The following PCLO variants were observed in gnomAD, a reference collection of about 807,000 sequenced individuals.
PCLO encodes the protein protein piccolo.
Under a neutral mutation model 427.5 loss-of-function variants are expected in PCLO, and 82 were observed. That is an observed-to-expected ratio of 0.19 (90% confidence interval 0.16 to 0.23). The LOEUF is 0.23. PCLO is among the 10% of genes least tolerant of loss of function. The pLI is 1.00. For synonymous variants in PCLO, 2,357 were observed against 2,155.4 expected (o/e 1.09, Z -2.59); for missense variants, 6,239 against 6,115.9 (o/e 1.02, Z -0.67).
chr7:83,015,843 G>A (rs1221374984), intron 3 of PCLO, among the ~76,000 whole-genome samples: 2 of 152,014 alleles, frequency 1.3e-5, no homozygotes, highest in African/African-American at 2.4e-5. Context: ...GTCCTAGAAT[G>A]TTATCTTTTA....
chr7:83,085,668 T>C (rs1790213454), intron 3 of PCLO, among the ~76,000 whole-genome samples: 1 of 152,164 alleles, frequency 6.6e-6, no homozygotes, highest in East Asian at 1.9e-4. Flanking sequence ...TTTGAAAAAT[T>C]CAGTTTCCTT....
At chr7:83,145,195 A>G (rs1343912733) in intron 2 of PCLO, among the ~76,000 whole-genome samples, 5 of 152,122 alleles carry the variant, frequency 3.3e-5, no homozygotes, top group Non-Finnish European at 7.4e-5. Context: ...CTCTAGTCTC[A>G]ATTTTGAACA....
chr7:82,773,520 C>T (rs1336679139), intron 22 of PCLO, among the ~76,000 whole-genome samples: 1 of 152,160 alleles, frequency 6.6e-6, no homozygotes, highest in African/African-American at 2.4e-5. Context: ...TGTGATCCTC[C>T]TTGCAGTTTT....
chr7:82,849,772 G>T (rs1792601384), intron 10 of PCLO, among the ~76,000 whole-genome samples: 1 of 151,974 alleles, frequency 6.6e-6, no homozygotes. Context: ...AATGTATCTT[G>T]TCATTTAATA....
chr7:82,787,769 A>C (rs1171110290), intron 22 of PCLO, among the ~76,000 whole-genome samples: 1 of 152,136 alleles, frequency 6.6e-6, no homozygotes, highest in Non-Finnish European at 1.5e-5. Context: ...ATTTAAAAAA[A>C]CCCTGTAAAT....
At position 82,866,362 on chromosome 7, in the gene PCLO, TTA is replaced by T. The variant is rs200827442; in HGVS notation, c.13654+12973_13654+12974del. ...ATATTATATGAGATATATTTAACAT[TTA>T]TATATGATATTAATATTTGTTATAA... On this transcript the variant is annotated intron_variant, in intron 10 of 24. Coordinates refer to ENST00000333891, the MANE Select transcript of PCLO (RefSeq NM_033026.6). Among the ~76,000 whole-genome samples, 5 of 151,992 alleles carry T rather than the reference TTA, an allele frequency of 3.3e-5. No individual in the cohort carries two copies. In the East Asian group the frequency reaches 5.8e-4, roughly 18 times the overall value.
chr7:82,884,756 T>C (rs1314843046), intron 9 of PCLO, among the ~76,000 whole-genome samples: 2 of 152,130 alleles, frequency 1.3e-5, no homozygotes, highest in Admixed American at 6.5e-5. Flanking sequence ...TGATACTAAA[T>C]TGATGGCAGG....
At chr7:83,008,940 T>C (rs899386630) in intron 3 of PCLO, among the ~76,000 whole-genome samples, 1 of 151,474 alleles carries the variant, frequency 6.6e-6, no homozygotes, top group African/African-American at 2.4e-5. Flanking sequence ...AAAAGATATA[T>C]TAAGCAAATA....
intron 6 of PCLO, among the ~76,000 whole-genome samples, chr7:82,939,230 A>G (rs1795024180): frequency 6.6e-6 from 1 of 152,096 alleles, no homozygotes; most frequent in Non-Finnish European, 1.5e-5. Context: ...ATTTCTGGAC[A>G]TGGGGTATTA....
chr7:83,008,500 A>G (rs1043171168), intron 3 of PCLO, among the ~76,000 whole-genome samples: 5 of 151,854 alleles, frequency 3.3e-5, no homozygotes, highest in African/African-American at 1.2e-4. Flanking sequence ...AAGTTCATCA[A>G]GTTTCAAGAT....
intron 3 of PCLO, among the ~76,000 whole-genome samples, chr7:82,973,710 TA>T (rs1325844675): frequency 0.033 from 4,818 of 144,620 alleles, 261 homozygotes; most frequent in African/African-American, 0.11. Flanking sequence ...GAAGGCAGAT[TA>T]AAAAAAAAAA....
chr7:82,894,715 T>G (rs948902943), intron 9 of PCLO, among the ~76,000 whole-genome samples: 1 of 152,040 alleles, frequency 6.6e-6, no homozygotes, highest in African/African-American at 2.4e-5. Context: ...TAAGTTGTCA[T>G]GATAATTCTA....
At chr7:82,994,539 G>C (rs1186436775) in intron 3 of PCLO, among the ~76,000 whole-genome samples, 1 of 151,684 alleles carries the variant, frequency 6.6e-6, no homozygotes, top group African/African-American at 2.4e-5. Context: ...CCATCAAACA[G>C]TTTTTGACGA....
chr7:82,968,517 C>CTTTTTTTTTTTTTTTTTTTTTTTTTTTT (rs11324005), intron 3 of PCLO, among the ~76,000 whole-genome samples: 4 of 73,216 alleles, frequency 5.5e-5, no homozygotes, highest in African/African-American at 1.9e-4. Context: ...CAGAGTCTGA[C>CTTTTTTTTTTTTTTTTTTTTTTTTTTTT]TTTTTTTTTT....
Position 82,796,232 on chromosome 7 carries a change from T to C in PCLO, c.15007+5286A>G, listed in dbSNP as rs528087347. Reference sequence around the variant, plus strand: ...CAATAATAGGGTATTTTGCAGTAAATGCCATTAATTTTAAATTCCCAGTGA... The same window carrying C: ...CAATAATAGGGTATTTTGCAGTAAACGCCATTAATTTTAAATTCCCAGTGA... On this transcript the variant is annotated intron_variant, in intron 22 of 24. Coordinates refer to ENST00000333891, the MANE Select transcript of PCLO (RefSeq NM_033026.6). Among the ~76,000 whole-genome samples the C allele has an allele frequency of 1.1e-4, 16 of 152,264 alleles. No individual in the cohort carries two copies. The South Asian group carries it at 3.1e-3, about 30-fold the overall frequency.
chr7:83,158,097 C>T (rs147273982), intron 1 of PCLO, among the ~76,000 whole-genome samples: 129 of 151,984 alleles, frequency 8.5e-4, no homozygotes, highest in African/African-American at 2.9e-3. Flanking sequence ...TAAATGGCAA[C>T]GTATGCATAA....
chr7:83,028,308 C>G (rs1267333427), intron 3 of PCLO, among the ~76,000 whole-genome samples: 1 of 149,252 alleles, frequency 6.7e-6, no homozygotes, highest in African/African-American at 2.5e-5. Flanking sequence ...TCTTATACAC[C>G]AACAACAGAC....
rs1220103023 is a variant in PCLO, at chr7:83,029,405, A to C, written c.3301-62918T>G. ...TCAGAGAAATGCAAATCAAAACCAC[A>C]ATGAGATACCATCTCACACCAGTTA... On this transcript the variant is annotated intron_variant, in intron 3 of 24. Transcript: ENST00000333891. Among the ~76,000 whole-genome samples, 51 of 148,376 alleles carry C rather than the reference A, an allele frequency of 3.4e-4. 2 individuals carry two copies. The South Asian group carries it at 0.01, about 30-fold the overall frequency.
In PCLO at chr7:82,984,424, G is replaced by A. The variant is rs965617075; in HGVS notation, c.3301-17937C>T. ...ATGTGGTGTCTGTGTGTGTGTGTGT[G>A]TGTGTGTGTGTGTGTGTGTGTGTGT... On this transcript the variant is annotated intron_variant, in intron 3 of 24. Coordinates refer to ENST00000333891, the MANE Select transcript of PCLO (RefSeq NM_033026.6). Among the ~76,000 whole-genome samples the A allele has an allele frequency of 1.4e-3, 207 of 151,094 alleles. 1 individual carries two copies. The highest frequency in any genetic ancestry group is 4.6e-3 in the African/African-American group (191 of 41,262).
Sources: allele counts gnomAD v4.1 joint callset (sites outside exome capture counted in the v4.1 genomes callset), GRCh38; gene constraint gnomAD v4.1.1; transcripts MANE v1.5; gene names NCBI Gene and HGNC (gene_info 2026-07-23, HGNC 2026-07-21).